Variants in DOCK2 observed in about 807,000 individuals in gnomAD.
DOCK2 encodes the protein dedicator of cytokinesis protein 2.
A neutral mutation model predicts 248.9 loss-of-function variants in DOCK2; 87 were observed. That is an observed-to-expected ratio of 0.35 (90% CI 0.29 to 0.42). The LOEUF (loss-of-function observed/expected upper bound fraction) is 0.42, where lower values mean the gene tolerates loss of function less well. Ranked by LOEUF, DOCK2 falls within the 10% of genes least tolerant of loss-of-function variation. DOCK2 has a pLI of 1.00. For missense variants in DOCK2, 1,747 were observed against 2,300.2 expected, an observed-to-expected ratio of 0.76 and a Z score of 4.92; for synonymous variants, 805 against 821.6, an observed-to-expected ratio of 0.98 and a Z score of 0.35.
intron 2 of DOCK2, among the ~76,000 whole-genome samples, chr5:169,666,643 A>G (rs1164483706): frequency 1.3e-5 from 2 of 152,218 alleles, no homozygotes; most frequent in Non-Finnish European, 2.9e-5. Flanking sequence ...ATCAGTGGTC[A>G]GAGATAAATG....
At chr5:169,798,693 G>A (rs892250673) in intron 25 of DOCK2, among the ~76,000 whole-genome samples, 15 of 152,200 alleles carry the variant, frequency 9.9e-5, no homozygotes, top group African/African-American at 3.4e-4. Flanking sequence ...GCTCCGTGCA[G>A]TGCTGGGTAG....
chr5:169,662,721 T>C (rs754624401), intron 2 of DOCK2, among the ~76,000 whole-genome samples: 39 of 152,034 alleles, frequency 2.6e-4, no homozygotes, highest in Non-Finnish European at 4.0e-4. Context: ...TCACTTACTA[T>C]CACAAGAACA....
intron 26 of DOCK2, among the ~76,000 whole-genome samples, chr5:169,825,432 A>AT (rs1171078653): frequency 6.6e-6 from 1 of 151,108 alleles, no homozygotes; most frequent in Non-Finnish European, 1.5e-5. Flanking sequence ...GTGGAATACT[A>AT]TGCAGCCATA....
chr5:169,836,164 AAGT>A (rs1027568466), intron 26 of DOCK2, among the ~76,000 whole-genome samples: 3 of 152,216 alleles, frequency 2.0e-5, no homozygotes, highest in Admixed American at 6.5e-5. Context: ...ATTTGTGTAA[AAGT>A]AGATTTCTCA....
intron 34 of DOCK2, among the ~76,000 whole-genome samples, chr5:170,030,427 T>G (rs1337018567): frequency 6.6e-6 from 1 of 152,216 alleles, no homozygotes; most frequent in Non-Finnish European, 1.5e-5. Context: ...AAATTGGGGA[T>G]AAAATATTAT....
intron 49 of DOCK2, 110 bp downstream of exon 49, chr5:170,079,256 C>A: frequency 7.1e-7 from 1 of 1,411,378 alleles, no homozygotes. Context: ...CCTGCCACTG[C>A]GGTGCTATGG....
chr5:169,855,498 G>A (rs1561767149), intron 27 of DOCK2, among the ~76,000 whole-genome samples: 2 of 152,142 alleles, frequency 1.3e-5, no homozygotes, highest in African/African-American at 2.4e-5. Context: ...TATTTGTAGG[G>A]GAAGGAATTT....
In DOCK2 at chr5:169,708,203, T is replaced by A; in HGVS notation, c.1418T>A (p.Met473Lys). ...TGCGTGGGAGCAGGGGACAAGCCCA[T>A]GAATGAGTATCGCTCCGTTGTGTAC... ...AICVGAGDKP[M>K]NEYRSVVYYQ... The change falls in exon 15 of 52, where the codon ATG becomes AAG. Residue 473 changes from methionine (M) to lysine (K), a missense_variant. Around this residue, in one of 4 missense-constraint regions of DOCK2, gnomAD observed 858 missense variants for 1,183.5 expected, o/e 0.72. Transcript: ENST00000520908. 6.2e-7 allele frequency: 1 copy of A among 1,613,998 alleles called. No homozygotes were observed. The highest frequency in any genetic ancestry group is 8.5e-7 in the Non-Finnish European group (1 of 1,179,950).
chr5:169,919,054 G>A (rs1225232260), intron 27 of DOCK2, among the ~76,000 whole-genome samples: 2 of 152,070 alleles, frequency 1.3e-5, no homozygotes, highest in Admixed American at 6.6e-5. Flanking sequence ...GGTGGTCAAG[G>A]GTGACTTTAA....
At chr5:169,876,141 G>A (rs560046016) in intron 27 of DOCK2, among the ~76,000 whole-genome samples, 4 of 152,150 alleles carry the variant, frequency 2.6e-5, no homozygotes, top group Non-Finnish European at 5.9e-5. Context: ...CTCCTTCTCT[G>A]ACTCTGATCC....
chr5:169,816,740 G>A (rs989233996), intron 26 of DOCK2, among the ~76,000 whole-genome samples: 6 of 151,856 alleles, frequency 4.0e-5, no homozygotes, highest in African/African-American at 9.7e-5. Context: ...TATGGGGTAC[G>A]TGAGATGTTT....
intron 26 of DOCK2, among the ~76,000 whole-genome samples, chr5:169,819,485 G>A (rs1168211240): frequency 6.6e-6 from 1 of 152,124 alleles, no homozygotes; most frequent in African/African-American, 2.4e-5. Flanking sequence ...GCTGGTCATG[G>A]TAGCATGCAC....
chr5:169,715,408 T>C (rs1368640910), intron 19 of DOCK2, among the ~76,000 whole-genome samples: 1 of 152,168 alleles, frequency 6.6e-6, no homozygotes, highest in Non-Finnish European at 1.5e-5. Flanking sequence ...TAATTGCCTC[T>C]ACCTGGAGAA....
At chr5:169,871,655 A>T (rs937538830) in intron 27 of DOCK2, among the ~76,000 whole-genome samples, 1 of 152,216 alleles carries the variant, frequency 6.6e-6, no homozygotes, top group East Asian at 1.9e-4. Flanking sequence ...CTGAAATAAC[A>T]TAGTAATCTG....
At chr5:169,778,122 G>C (rs1461876006) in intron 25 of DOCK2, among the ~76,000 whole-genome samples, 2 of 152,196 alleles carry the variant, frequency 1.3e-5, no homozygotes, top group African/African-American at 4.8e-5. Flanking sequence ...TGGATGGTGG[G>C]AACCTGGCTC....
chr5:169,867,596 C>T (rs1040857950), intron 27 of DOCK2, among the ~76,000 whole-genome samples: 11 of 150,734 alleles, frequency 7.3e-5, no homozygotes, highest in Admixed American at 6.6e-5. Flanking sequence ...CTATCGTTAT[C>T]TATCCATCTA....
At chr5:169,713,698 GGT>G (rs1761712011) in intron 17 of DOCK2, among the ~76,000 whole-genome samples, 2 of 152,042 alleles carry the variant, frequency 1.3e-5, no homozygotes, top group East Asian at 3.9e-4. Context: ...TTATTTTGCT[GGT>G]GAGCAGATAT....
At position 169,856,125 on chromosome 5, in the gene DOCK2, GTC is replaced by G. The variant is rs528312585; in HGVS notation, c.2799+15279_2799+15280del. Among the ~76,000 whole-genome samples the G allele has an allele frequency of 2.8e-3, 431 of 152,252 alleles. 1 individual carries two copies. Among genetic ancestry groups the G allele is most frequent in the African/African-American group, 0.01 (421 of 41,536 alleles). On this transcript the variant is annotated intron_variant, in intron 27 of 51. Coordinates refer to ENST00000520908, the MANE Select transcript of DOCK2 (RefSeq NM_004946.3). ...CCATGATCCAATCACCTCTCACCAG[GTC>G]TCTCTGTCAACATCTGGGGATTACA...
At chr5:169,801,609 T>C (rs1417567588) in intron 25 of DOCK2, among the ~76,000 whole-genome samples, 3 of 152,128 alleles carry the variant, frequency 2.0e-5, no homozygotes, top group Non-Finnish European at 4.4e-5. Context: ...GGGCCAGGTG[T>C]CCAGCCCTTC....
Sources: allele counts gnomAD v4.1 joint callset (sites outside exome capture counted in the v4.1 genomes callset), GRCh38; gene constraint gnomAD v4.1.1; regional missense constraint gnomAD v4.1.1; transcripts MANE v1.5; gene names NCBI Gene and HGNC (gene_info 2026-07-23, HGNC 2026-07-21).